Variants in PACS1 observed in about 807,000 individuals in gnomAD.
PACS1 encodes the protein phosphofurin acidic cluster sorting protein 1, also known as PACS-1.
PACS1 carries 24 observed loss-of-function variants against 115.0 expected under a neutral mutation model. The observed-to-expected ratio is 0.21, with a 90% CI of 0.15 to 0.29. The LOEUF (loss-of-function observed/expected upper bound fraction) is 0.29. PACS1 is among the 10% of genes least tolerant of loss of function. PACS1 has a pLI of 1.00. For missense variants in PACS1, 838 were observed against 1,251.2 expected, an observed-to-expected ratio of 0.67 and a Z score of 4.98; for synonymous variants, 453 against 504.5, an observed-to-expected ratio of 0.90 and a Z score of 1.37.
intron 1 of PACS1, among the ~76,000 whole-genome samples, chr11:66,108,270 C>T (rs182244510): frequency 6.6e-6 from 1 of 152,278 alleles, no homozygotes; most frequent in Admixed American, 6.5e-5. Flanking sequence ...GTGGCCTTTC[C>T]TCTGTGCACA....
chr11:66,180,679 G>C (rs1296134726), intron 1 of PACS1, among the ~76,000 whole-genome samples: 1 of 151,566 alleles, frequency 6.6e-6, no homozygotes, highest in East Asian at 1.9e-4. Flanking sequence ...TTAATTTTGA[G>C]ATAGGATGTT....
rs531046927 is a variant in PACS1, at chr11:66,104,045, A to G, written c.356+33203A>G. On this transcript the variant is annotated intron_variant, in intron 1 of 23. Coordinates refer to ENST00000320580, the MANE Select transcript of PACS1 (RefSeq NM_018026.4). ...AAGATAGGGACACTTTAAAAAATAC[A>G]TAACCACAATACCATTATCTCTCCT... Among the ~76,000 whole-genome samples, 19 of 152,236 alleles carry G rather than the reference A, an allele frequency of 1.2e-4. No homozygotes were observed. The East Asian group carries it at 3.3e-3, about 26-fold the overall frequency.
In PACS1 at chr11:66,233,975, G is replaced by A; in HGVS notation, c.1993+36G>A. 3 of 1,569,032 alleles carry A rather than the reference G, an allele frequency of 1.9e-6. No individual in the cohort carries two copies. The highest frequency in any genetic ancestry group is 2.6e-6 in the Non-Finnish European group (3 of 1,154,570). ...GAGGCACCAGGAGGGCGTCGGGCATGAGGGTTCCATAGACAGATGCCTCAT... is the reference window on the plus strand; with the variant it reads ...GAGGCACCAGGAGGGCGTCGGGCATAAGGGTTCCATAGACAGATGCCTCAT... On this transcript the variant is annotated intron_variant, in intron 16 of 23. Coordinates refer to ENST00000320580, the MANE Select transcript of PACS1 (RefSeq NM_018026.4). The surrounding 1 kb of genome is among the most constrained non-coding windows in gnomAD (Gnocchi z 4.5).
intron 1 of PACS1, among the ~76,000 whole-genome samples, chr11:66,168,948 C>G (rs1859674368): frequency 6.6e-6 from 1 of 150,452 alleles, no homozygotes; most frequent in Non-Finnish European, 1.5e-5. Flanking sequence ...ATAAATCAAC[C>G]TGCAGATAAT....
chr11:66,194,464 G>A (rs1854604503), intron 2 of PACS1, among the ~76,000 whole-genome samples: 1 of 152,168 alleles, frequency 6.6e-6, no homozygotes, highest in African/African-American at 2.4e-5. Flanking sequence ...AAAGAGAAGG[G>A]AAAAGCTGAA....
Position 66,243,218 on chromosome 11 carries a change from C to T in PACS1, c.2830C>T (p.Gln944Ter), listed in dbSNP as rs1310707388. ...CATCAAGTTCTTCCAGCTGGCAGCC[C>T]AGTGGCCCACCCATGTCAAGCACTT... ...SDIKFFQLAA[Q>*]WPTHVKHFPV... The change falls in exon 24 of 24, where the codon CAG (glutamine) becomes TAG (stop). Residue 944 changes from glutamine to a stop codon, truncating the protein, a stop_gained. Coordinates refer to ENST00000320580, the MANE Select transcript of PACS1 (RefSeq NM_018026.4). LOFTEE classifies it high-confidence loss of function. 1 of 1,613,476 alleles carries T rather than the reference C, an allele frequency of 6.2e-7. No individual in the cohort carries two copies. The highest frequency in any genetic ancestry group is 8.5e-7 in the Non-Finnish European group (1 of 1,179,682).
chr11:66,162,112 GTTTTTTTTTTTTTT>G (rs58980906), intron 1 of PACS1, among the ~76,000 whole-genome samples: 2 of 56,320 alleles, frequency 3.6e-5, no homozygotes, highest in African/African-American at 7.1e-5. Flanking sequence ...GGTGGTGGTG[GTTTTTTTTTTTTTT>G]TTTTTTTTTT....
chr11:66,188,754 A>C (rs1474878825), intron 1 of PACS1, among the ~76,000 whole-genome samples: 1 of 152,184 alleles, frequency 6.6e-6, no homozygotes, highest in African/African-American at 2.4e-5. Flanking sequence ...TGCCAGACAC[A>C]GTCAGCATGA....
Position 66,168,750 on chromosome 11 carries a change from A to ATG in PACS1, c.357-24735_357-24734insGT, listed in dbSNP as rs1232691646. Among the ~76,000 whole-genome samples, 467 of 142,638 alleles carry ATG rather than the reference A, an allele frequency of 3.3e-3. 32 individuals are homozygous for ATG. Among genetic ancestry groups the ATG allele is most frequent in the African/African-American group, 0.012 (432 of 35,386 alleles). 93.6% of individuals were successfully genotyped at this position (142,638 alleles called of 152,430 possible). The stretch of plus-strand genomic sequence containing the variant: ...GTTGCTTCCTAAATAGTATATATAT[A>ATG]TATGTGTGTGTGTGTGTGTGTGTGT... On this transcript the variant is annotated intron_variant, in intron 1 of 23. Transcript: ENST00000320580.
chr11:66,073,909 C>T (rs1200390139), intron 1 of PACS1, among the ~76,000 whole-genome samples: 1 of 141,874 alleles, frequency 7.0e-6, no homozygotes, highest in Non-Finnish European at 1.5e-5. Context: ...TGTGACATCA[C>T]ACCTGGCTTT....
intron 2 of PACS1, among the ~76,000 whole-genome samples, chr11:66,199,021 A>G (rs1854712209): frequency 2.0e-5 from 3 of 152,206 alleles, no homozygotes; most frequent in African/African-American, 7.2e-5. Context: ...ATTCTTTCTA[A>G]AAGTGTAAAA....
intron 1 of PACS1, among the ~76,000 whole-genome samples, chr11:66,086,669 G>A (rs561408347): frequency 3.3e-5 from 5 of 152,316 alleles, no homozygotes; most frequent in Admixed American, 1.3e-4. Flanking sequence ...AGGCTGGAGT[G>A]TAGTAGTGTG....
At chr11:66,080,802 G>A (rs1857464704) in intron 1 of PACS1, among the ~76,000 whole-genome samples, 1 of 152,198 alleles carries the variant, frequency 6.6e-6, no homozygotes, top group Non-Finnish European at 1.5e-5. Flanking sequence ...CATAGACAGC[G>A]AGAGGCTGTG....
intron 1 of PACS1, among the ~76,000 whole-genome samples, chr11:66,116,495 T>C (rs1858308899): frequency 6.6e-6 from 1 of 152,240 alleles, no homozygotes; most frequent in African/African-American, 2.4e-5. Flanking sequence ...GTTCATTTAA[T>C]AATCCCACAA....
intron 1 of PACS1, among the ~76,000 whole-genome samples, chr11:66,173,919 G>A (rs1288186486): frequency 6.6e-6 from 1 of 152,082 alleles, no homozygotes; most frequent in Non-Finnish European, 1.5e-5. Flanking sequence ...TGGCCTGGTG[G>A]CACGCGCCTG....
At chr11:66,156,931 T>C (rs1859376388) in intron 1 of PACS1, among the ~76,000 whole-genome samples, 1 of 152,200 alleles carries the variant, frequency 6.6e-6, no homozygotes, top group Non-Finnish European at 1.5e-5. Context: ...GATTATACTT[T>C]AGGTTGTTTA....
chr11:66,078,080 A>C (rs1274794162), intron 1 of PACS1, among the ~76,000 whole-genome samples: 3 of 152,152 alleles, frequency 2.0e-5, no homozygotes, highest in African/African-American at 7.2e-5. Flanking sequence ...TCTGAATCTC[A>C]AATATCGTTC....
chr11:66,161,528 C>T (rs1398012551), intron 1 of PACS1, among the ~76,000 whole-genome samples: 4 of 151,978 alleles, frequency 2.6e-5, no homozygotes, highest in African/African-American at 7.3e-5. Context: ...TGAAGTAGAG[C>T]GGATGGAATC....
In PACS1 at chr11:66,230,537, C is replaced by T; in HGVS notation, c.1375-11C>T. 6.2e-7 allele frequency: 1 copy of T among 1,603,722 alleles called. No homozygotes were observed. The highest frequency in any genetic ancestry group is 8.5e-7 in the Non-Finnish European group (1 of 1,170,516). ...GAGGTCATCTTCACTGTTTCCTCTC[C>T]TCCATGGTAGGAAATCACTGACCAG... is the stretch of plus-strand genomic sequence containing the variant. On this transcript the variant is annotated splice_polypyrimidine_tract_variant and intron_variant, in intron 11 of 23. Transcript: ENST00000320580.
Sources: allele counts gnomAD v4.1 joint callset (sites outside exome capture counted in the v4.1 genomes callset), GRCh38; gene constraint gnomAD v4.1.1; non-coding constraint Gnocchi (gnomAD v3.1); transcripts MANE v1.5; gene names NCBI Gene and HGNC (gene_info 2026-07-23, HGNC 2026-07-21).